PID1: variants seen among roughly 807,000 people sequenced by gnomAD.
PID1 encodes the protein PTB-containing, cubilin and LRP1-interacting protein.
Under a neutral mutation model 19.1 loss-of-function variants are expected in PID1, and 10 were observed. The observed-to-expected ratio is 0.52, with a 90% CI of 0.32 to 0.89. The LOEUF (loss-of-function observed/expected upper bound fraction) is 0.89. PID1 is among the 40% of genes least tolerant of loss of function. The pLI is 0.03. For synonymous variants in PID1, 130 were observed against 116.0 expected, an observed-to-expected ratio of 1.12 and a Z score of -0.78; for missense variants, 248 against 285.3, an observed-to-expected ratio of 0.87 and a Z score of 0.94.
rs140534480 is a variant in PID1, at chr2:229,218,760, G to A, written c.30+52254C>T. ...AAAGTCCAAAGACACAGGCCAGACT[G>A]CAGAGTGGGGAAGAAGGAGCTATGG... On this transcript the variant is annotated intron_variant, in intron 1 of 2. Transcript: ENST00000392055. Among the ~76,000 whole-genome samples, 651 of 152,300 alleles carry A rather than the reference G, an allele frequency of 4.3e-3. 1 individual carries two copies. The highest frequency in any genetic ancestry group is 7.6e-3 in the Admixed American group (117 of 15,298).
intron 2 of PID1, among the ~76,000 whole-genome samples, chr2:229,063,086 A>T (rs1253719678): frequency 6.6e-6 from 1 of 151,876 alleles, no homozygotes; most frequent in Non-Finnish European, 1.5e-5. Flanking sequence ...AGCTGCACTG[A>T]CCTTTTCTAT....
intron 1 of PID1, among the ~76,000 whole-genome samples, chr2:229,219,965 T>C (rs758373315): frequency 3.3e-5 from 5 of 152,080 alleles, no homozygotes; most frequent in Non-Finnish European, 5.9e-5. Flanking sequence ...AGCTAAGCAC[T>C]GTATATATGT....
In PID1 at chr2:229,189,208, C is replaced by T. The variant is rs552479277; in HGVS notation, c.31-33244G>A. Among the ~76,000 whole-genome samples, 5 of 152,298 alleles carry T rather than the reference C, an allele frequency of 3.3e-5. No individual in the cohort carries two copies. In the South Asian group the frequency reaches 8.3e-4, roughly 25 times the overall value. ...AGGTAGAGGCTGAAATCCACTGAAT[C>T]CTCTGCTCACCAAGCATGCACACAT... On this transcript the variant is annotated intron_variant, in intron 1 of 2. Coordinates refer to ENST00000392055, the MANE Select transcript of PID1 (RefSeq NM_001100818.2).
chr2:229,062,405 T>C (rs1397973492), intron 2 of PID1, among the ~76,000 whole-genome samples: 7 of 152,044 alleles, frequency 4.6e-5, no homozygotes, highest in Non-Finnish European at 1.0e-4. Context: ...TTTGTGTATG[T>C]TGAACCATCC....
intron 2 of PID1, among the ~76,000 whole-genome samples, chr2:229,073,757 A>G (rs146498688): frequency 3.1e-4 from 47 of 152,354 alleles, no homozygotes; most frequent in African/African-American, 1.1e-3. Context: ...GTTGGTGAAT[A>G]CATTTTTCTC....
At chr2:229,210,995 G>T (rs1007298009) in intron 1 of PID1, among the ~76,000 whole-genome samples, 10 of 152,092 alleles carry the variant, frequency 6.6e-5, no homozygotes, top group African/African-American at 2.2e-4. Flanking sequence ...AAACTGCATC[G>T]ACTACTAGTT....
At chr2:229,165,614 T>C (rs1369915237) in intron 1 of PID1, among the ~76,000 whole-genome samples, 1 of 151,632 alleles carries the variant, frequency 6.6e-6, no homozygotes, top group Non-Finnish European at 1.5e-5. Flanking sequence ...ACATGAGACA[T>C]GCAAAAATGG....
intron 1 of PID1, among the ~76,000 whole-genome samples, chr2:229,255,736 G>A (rs1158922152): frequency 6.6e-6 from 1 of 152,172 alleles, no homozygotes; most frequent in Non-Finnish European, 1.5e-5. Flanking sequence ...GTTAAAAGTA[G>A]AAGAAGCCTC....
chr2:229,089,141 T>C (rs1372798712), intron 2 of PID1, among the ~76,000 whole-genome samples: 3 of 152,154 alleles, frequency 2.0e-5, no homozygotes, highest in Non-Finnish European at 4.4e-5. Flanking sequence ...AGAAACGTCA[T>C]AGTTGTTCAT....
At chr2:229,265,092 C>T (rs972874028) in intron 1 of PID1, among the ~76,000 whole-genome samples, 4 of 152,058 alleles carry the variant, frequency 2.6e-5, no homozygotes, top group African/African-American at 9.7e-5. Context: ...TGCTAGTAAG[C>T]GATTGTGTCA....
At chr2:229,260,274 A>G (rs7558582) in intron 1 of PID1, among the ~76,000 whole-genome samples, 5,708 of 151,584 alleles carry the variant, frequency 0.038, 322 homozygotes, top group African/African-American at 0.13. Context: ...ATTTATAGGG[A>G]AAAAAAACAG....
At chr2:229,232,786 TAA>T (rs1243583503) in intron 1 of PID1, among the ~76,000 whole-genome samples, 1 of 37,474 alleles carries the variant, frequency 2.7e-5, no homozygotes, top group African/African-American at 1.1e-4. Context: ...CACACACACA[TAA>T]ATATATATAT....
chr2:229,209,964 A>G (rs1427011068), intron 1 of PID1, among the ~76,000 whole-genome samples: 1 of 152,200 alleles, frequency 6.6e-6, no homozygotes, highest in African/African-American at 2.4e-5. Context: ...GAAAATGAAC[A>G]TACATGTTGA....
At chr2:229,141,071 C>T (rs1312844034) in intron 2 of PID1, among the ~76,000 whole-genome samples, 2 of 151,300 alleles carry the variant, frequency 1.3e-5, no homozygotes, top group African/African-American at 4.8e-5. Context: ...GGCAGGATGA[C>T]TTATCTTCCT....
At chr2:229,254,751 C>G (rs998560449) in intron 1 of PID1, among the ~76,000 whole-genome samples, 2 of 152,150 alleles carry the variant, frequency 1.3e-5, no homozygotes, top group Non-Finnish European at 2.9e-5. Context: ...ACAAGTACTT[C>G]AAAAGCATGT....
At chr2:229,159,793 G>A (rs1690455373) in intron 1 of PID1, among the ~76,000 whole-genome samples, 2 of 152,128 alleles carry the variant, frequency 1.3e-5, no homozygotes, top group South Asian at 2.1e-4. Context: ...AGAAAAGTAA[G>A]AGCAAGTCTT....
At chr2:229,248,363 G>A (rs1044483431) in intron 1 of PID1, among the ~76,000 whole-genome samples, 5 of 152,182 alleles carry the variant, frequency 3.3e-5, no homozygotes, top group African/African-American at 9.7e-5. Context: ...AGCCTTCTCA[G>A]TGCGTTGTAT....
At chr2:229,081,313 C>T (rs1694664587) in intron 2 of PID1, among the ~76,000 whole-genome samples, 1 of 152,192 alleles carries the variant, frequency 6.6e-6, no homozygotes, top group Non-Finnish European at 1.5e-5. Context: ...GCTTAAGAAG[C>T]TTGGACTCTT....
intron 1 of PID1, among the ~76,000 whole-genome samples, chr2:229,214,754 ATTTGT>A (rs1193632637): frequency 2.6e-5 from 4 of 151,970 alleles, no homozygotes; most frequent in Non-Finnish European, 4.4e-5. Flanking sequence ...TCTGTTGTTG[ATTTGT>A]TTTATTTTGC....
Sources: allele counts gnomAD v4.1 joint callset (sites outside exome capture counted in the v4.1 genomes callset), GRCh38; gene constraint gnomAD v4.1.1; transcripts MANE v1.5; gene names NCBI Gene and HGNC (gene_info 2026-07-23, HGNC 2026-07-21).